PLEKHG1: variants seen among roughly 807,000 people sequenced by gnomAD.
PLEKHG1 encodes pleckstrin homology domain-containing family G member 1.
In PLEKHG1, 44 loss-of-function variants were observed where a neutral mutation model predicts 100.8. The ratio of observed to expected loss-of-function variants is 0.44; its 90% confidence interval spans 0.34 to 0.56. The LOEUF is 0.56. PLEKHG1 is among the 20% of genes least tolerant of loss of function. PLEKHG1 has a pLI of 0.01. For synonymous variants in PLEKHG1, 640 were observed against 662.5 expected (o/e 0.97, Z 0.52); for missense variants, 1,545 against 1,720.9 (o/e 0.90, Z 1.81).
intron 1 of PLEKHG1, among the ~76,000 whole-genome samples, chr6:150,611,101 A>C (rs1776808166): frequency 6.6e-6 from 1 of 152,206 alleles, no homozygotes; most frequent in African/African-American, 2.4e-5. Context: ...TGTTCCCACT[A>C]GAGAGCATGG....
chr6:150,733,929 G>A (rs1297704388), exon 2 of PLEKHG1: 1 of 1,614,222 alleles, frequency 6.2e-7, no homozygotes, highest in East Asian at 2.2e-5. Flanking sequence ...GATGAGGGCA[G>A]CGAAAGGCCA....
chr6:150,631,339 T>C (rs1777738252), intron 1 of PLEKHG1, among the ~76,000 whole-genome samples: 2 of 152,192 alleles, frequency 1.3e-5, no homozygotes, highest in Admixed American at 6.5e-5. Flanking sequence ...CCTCCCCAGG[T>C]CTGCGTTTTA....
intron 13 of PLEKHG1, among the ~76,000 whole-genome samples, chr6:150,821,663 A>G (rs996208136): frequency 1.3e-5 from 2 of 151,972 alleles, no homozygotes; most frequent in Non-Finnish European, 2.9e-5. Flanking sequence ...CAGCCTGGGC[A>G]ACAGAGTGAG....
intron 3 of PLEKHG1, among the ~76,000 whole-genome samples, chr6:150,703,610 AAAAAC>A (rs1167721186): frequency 6.6e-6 from 1 of 150,724 alleles, no homozygotes; most frequent in Admixed American, 6.6e-5. Flanking sequence ...TAAAAAAAAA[AAAAAC>A]AAAACAACTT....
At chr6:150,608,962 T>G (rs1420257534) in intron 1 of PLEKHG1, among the ~76,000 whole-genome samples, 2 of 152,226 alleles carry the variant, frequency 1.3e-5, no homozygotes, top group Non-Finnish European at 2.9e-5. Flanking sequence ...CTTATTGTGT[T>G]TACTGGTTGT....
At chr6:150,720,997 A>C (rs977630325), upstream of PLEKHG1, 2 of 182,138 alleles carry the variant, frequency 1.1e-5, no homozygotes, top group African/African-American at 4.8e-5. Context: ...TGGTCTGCAC[A>C]CTAGGGGGAA....
intron 15 of PLEKHG1, among the ~76,000 whole-genome samples, chr6:150,833,665 C>T (rs1227824282): frequency 2.0e-5 from 3 of 152,202 alleles, no homozygotes; most frequent in Admixed American, 6.5e-5. Flanking sequence ...CCTCCAGGCA[C>T]AGAGAGATTT....
chr6:150,839,685 C>A, intron 15 of PLEKHG1, 148 bp from the exon 17 acceptor site: 1 of 596,048 alleles, frequency 1.7e-6, no homozygotes, highest in Non-Finnish European at 3.0e-6. Context: ...GCTCAGAGTT[C>A]AAAGATTACT....
At chr6:150,751,514 ATAAG>A (rs1715757423) in intron 2 of PLEKHG1, among the ~76,000 whole-genome samples, 2 of 152,222 alleles carry the variant, frequency 1.3e-5, no homozygotes, top group South Asian at 2.1e-4. Context: ...CAACCAGGAA[ATAAG>A]TAAGTCCTTT....
intron 2 of PLEKHG1, among the ~76,000 whole-genome samples, chr6:150,644,722 A>G (rs964731315): frequency 1.3e-5 from 2 of 152,182 alleles, no homozygotes; most frequent in Non-Finnish European, 2.9e-5. Flanking sequence ...TCTAGAAAAA[A>G]ACAGGATATT....
chr6:150,825,725 G>A (rs1414290646), intron 14 of PLEKHG1, among the ~76,000 whole-genome samples: 1 of 152,182 alleles, frequency 6.6e-6, no homozygotes, highest in East Asian at 1.9e-4. Context: ...ATTCAAATCT[G>A]TTTCTGCCAT....
intron 2 of PLEKHG1, among the ~76,000 whole-genome samples, chr6:150,638,874 T>G (rs1778133777): frequency 6.6e-6 from 1 of 152,238 alleles, no homozygotes; most frequent in South Asian, 2.1e-4. Flanking sequence ...GAAATTTCTT[T>G]GTGGTTTGGC....
At chr6:150,663,037 ATGCTGACC>A (rs79245057) in intron 3 of PLEKHG1, 6 of 151,888 alleles carry the variant, frequency 4.0e-5, no homozygotes, top group Middle Eastern at 3.5e-3. Flanking sequence ...TTGACATGAA[ATGCTGACC>A]TGCTGACCTG....
At chr6:150,837,910 T>C (rs971250712) in intron 15 of PLEKHG1, among the ~76,000 whole-genome samples, 1 of 152,232 alleles carries the variant, frequency 6.6e-6, no homozygotes, top group African/African-American at 2.4e-5. Context: ...ATTTCAACAC[T>C]AATAATCTCT....
At chr6:150,837,546 TCTA>T (rs889483386) in intron 15 of PLEKHG1, among the ~76,000 whole-genome samples, 4 of 152,262 alleles carry the variant, frequency 2.6e-5, no homozygotes, top group Non-Finnish European at 5.9e-5. Context: ...TTTTTAAAGT[TCTA>T]CTACATTTTC....
At chr6:150,700,942 ATAGCTTTATTTCCCATATTTGGGTTAT>A (rs1282424738) in intron 3 of PLEKHG1, among the ~76,000 whole-genome samples, 5,079 of 152,218 alleles carry the variant, frequency 0.033, 270 homozygotes, top group African/African-American at 0.12. Flanking sequence ...TATAGCTTGT[ATAGCTTTATTTCCCATATTTGGGTTAT>A]ATATTAAAAA....
intron 2 of PLEKHG1, among the ~76,000 whole-genome samples, 159 bp downstream of exon 3, chr6:150,734,251 C>G (rs938551311): frequency 1.3e-5 from 2 of 152,158 alleles, no homozygotes; most frequent in African/African-American, 4.8e-5. Context: ...GGCCGTAACC[C>G]ACTGTGTTAA....
intron 5 of PLEKHG1, 142 bp from the exon 7 acceptor site, chr6:150,800,577 T>G (rs758459888): frequency 8.6e-6 from 6 of 693,824 alleles, no homozygotes; most frequent in Non-Finnish European, 1.4e-5. Context: ...TTTCTCCAAT[T>G]TGCCTAAAGG....
chr6:150,739,425 T>C (rs933912429), intron 2 of PLEKHG1, among the ~76,000 whole-genome samples: 5 of 152,082 alleles, frequency 3.3e-5, no homozygotes, highest in African/African-American at 1.2e-4. Context: ...CCCAGCACTT[T>C]GGGAGGCCGA....
Sources: allele counts gnomAD v4.1 joint callset (sites outside exome capture counted in the v4.1 genomes callset), GRCh38; gene constraint gnomAD v4.1.1; transcripts MANE v1.5; gene names NCBI Gene and HGNC (gene_info 2026-07-23, HGNC 2026-07-21).